The following BUB1B variants were observed in gnomAD, a reference collection of about 807,000 sequenced individuals.
The protein encoded by BUB1B is mitotic checkpoint serine/threonine-protein kinase BUB1 beta.
Under a neutral mutation model 137.7 loss-of-function variants are expected in BUB1B, and 86 were observed. The observed-to-expected ratio is 0.62, with a 90% CI of 0.52 to 0.75. The LOEUF is 0.75. Ranked by LOEUF, BUB1B falls within the 30% of genes least tolerant of loss-of-function variation. The pLI is 0.00. For synonymous variants in BUB1B, 420 were observed against 417.9 expected (o/e 1.00, Z -0.06); for missense variants, 1,130 against 1,236.9 (o/e 0.91, Z 1.30).
rs576564130 is a variant in BUB1B at position 40,185,398 on chromosome 15, A to C, written c.966+19A>C. 1 of 1,612,902 alleles carries C rather than the reference A, an allele frequency of 6.2e-7. No individual in the cohort carries two copies. The highest frequency in any genetic ancestry group is 1.3e-5 in the African/African-American group (1 of 75,030). ...ACACAGGGTAAGGACTCTTAGATCC[A>C]GTGCTTTGCTGACACAACAAAGACT... On this transcript the variant is annotated intron_variant, in intron 7 of 22. Transcript: ENST00000287598.
chr15:40,165,009 A>G (rs376236917), intron 1 of BUB1B, 44 bp from the exon 2 acceptor site: 59 of 1,611,482 alleles, frequency 3.7e-5, no homozygotes, highest in Non-Finnish European at 5.0e-5. Flanking sequence ...GTGCTATAAT[A>G]GTCAATGTTG....
At chr15:40,172,538 A>G (rs2037176216) in intron 4 of BUB1B, among the ~76,000 whole-genome samples, 2 of 152,240 alleles carry the variant, frequency 1.3e-5, no homozygotes, top group South Asian at 4.1e-4. Flanking sequence ...GAGAATGTAT[A>G]TTTAATAGTC....
At chr15:40,162,470 A>G (rs867136842) in intron 1 of BUB1B, among the ~76,000 whole-genome samples, 3 of 152,230 alleles carry the variant, frequency 2.0e-5, no homozygotes, top group Non-Finnish European at 2.9e-5. Flanking sequence ...GCAGCAAAGG[A>G]TGGAAGCAAG....
chr15:40,217,304 G>T (rs929385034), intron 20 of BUB1B, 192 bp from the exon 21 acceptor site: 2 of 618,748 alleles, frequency 3.2e-6, no homozygotes, highest in East Asian at 5.6e-5. Flanking sequence ...CACCAAAGTG[G>T]TGACATTCCT....
intron 8 of BUB1B, among the ~76,000 whole-genome samples, chr15:40,192,224 T>A (rs1215241811): frequency 6.6e-6 from 1 of 152,206 alleles, no homozygotes; most frequent in South Asian, 2.1e-4. Context: ...TTAATAGACT[T>A]TATTTTTTAG....
chr15:40,190,637 A>G (rs2037424656), intron 8 of BUB1B, among the ~76,000 whole-genome samples: 1 of 152,212 alleles, frequency 6.6e-6, no homozygotes, highest in African/African-American at 2.4e-5. Context: ...AAACAATAAA[A>G]TAAAAGTTAA....
intron 5 of BUB1B, among the ~76,000 whole-genome samples, chr15:40,181,529 TTC>T (rs944929962): frequency 6.6e-5 from 10 of 152,318 alleles, no homozygotes; most frequent in African/African-American, 2.2e-4. Flanking sequence ...TCTTTCTTCT[TTC>T]TCTCTCTGAG....
At chr15:40,209,836 G>A (rs950520192) in intron 17 of BUB1B, 61 bp downstream of exon 17, 1 of 1,596,160 alleles carries the variant, frequency 6.3e-7, no homozygotes, top group Non-Finnish European at 8.6e-7. Context: ...GTGATTATTT[G>A]TACTTAAGCT....
At chr15:40,188,234 G>C (rs1044940525) in intron 8 of BUB1B, among the ~76,000 whole-genome samples, 1 of 152,076 alleles carries the variant, frequency 6.6e-6, no homozygotes, top group South Asian at 2.1e-4. Flanking sequence ...TTTTAGTAGA[G>C]ACAGGGTTTC....
chr15:40,201,747 A>G (rs1465504974), intron 12 of BUB1B, among the ~76,000 whole-genome samples: 1 of 152,090 alleles, frequency 6.6e-6, no homozygotes, highest in Non-Finnish European at 1.5e-5. Flanking sequence ...GCTCACTACA[A>G]GCTCTGCCTC....
chr15:40,188,054 CTTA>C (rs2037390033), intron 8 of BUB1B, among the ~76,000 whole-genome samples: 2 of 152,028 alleles, frequency 1.3e-5, no homozygotes, highest in Admixed American at 6.6e-5. Flanking sequence ...AAATATTAAA[CTTA>C]TTATTTTTGA....
chr15:40,189,390 C>T (rs572724049), intron 8 of BUB1B, among the ~76,000 whole-genome samples: 2 of 152,322 alleles, frequency 1.3e-5, no homozygotes, highest in African/African-American at 4.8e-5. Context: ...AAACTCCTGA[C>T]CTCAAGTGGT....
chr15:40,204,954 T>G (rs2037619155), intron 14 of BUB1B, among the ~76,000 whole-genome samples: 1 of 149,836 alleles, frequency 6.7e-6, no homozygotes, highest in African/African-American at 2.5e-5. Flanking sequence ...CTTTTTTTTT[T>G]TTTTTTTTTT....
chr15:40,185,041 C>CTTTTTTTT, intron 6 of BUB1B, 124 bp from the exon 7 acceptor site: 3 of 599,128 alleles, frequency 5.0e-6, no homozygotes, highest in Non-Finnish European at 8.1e-6. Context: ...TTTAAAATTT[C>CTTTTTTTT]TTTTTTTTTT....
intron 6 of BUB1B, among the ~76,000 whole-genome samples, chr15:40,184,736 C>T (rs1186960285): frequency 6.6e-6 from 1 of 152,114 alleles, no homozygotes. Context: ...ACCAGCCCCA[C>T]AACAGAGAAA....
At chr15:40,219,728 CT>C (rs1234739774) in intron 22 of BUB1B, among the ~76,000 whole-genome samples, 1 of 151,768 alleles carries the variant, frequency 6.6e-6, no homozygotes, top group Non-Finnish European at 1.5e-5. Flanking sequence ...TCAAAAAAAA[CT>C]AAGTATCTAC....
intron 8 of BUB1B, among the ~76,000 whole-genome samples, chr15:40,190,332 A>G (rs1007033964): frequency 1.3e-5 from 2 of 152,136 alleles, no homozygotes; most frequent in Non-Finnish European, 2.9e-5. Flanking sequence ...GAGGCTGGGC[A>G]TGGTGGCTGA....
At chr15:40,176,420 T>A in intron 4 of BUB1B, 57 bp from the exon 5 acceptor site, 1 of 1,471,834 alleles carries the variant, frequency 6.8e-7, no homozygotes, top group South Asian at 1.1e-5. Flanking sequence ...GTTTGGCAAC[T>A]AATAGGCATT....
chr15:40,162,182 A>G (rs962809273), intron 1 of BUB1B, among the ~76,000 whole-genome samples: 5 of 152,228 alleles, frequency 3.3e-5, no homozygotes, highest in Non-Finnish European at 7.3e-5. Context: ...GAATCTCAAA[A>G]GCTAGAGGTT....
Sources: allele counts gnomAD v4.1 joint callset (sites outside exome capture counted in the v4.1 genomes callset), GRCh38; gene constraint gnomAD v4.1.1; transcripts MANE v1.5; gene names NCBI Gene and HGNC (gene_info 2026-07-23, HGNC 2026-07-21).